The following DLGAP2 variants were observed in gnomAD, a reference collection of about 807,000 sequenced individuals.
DLGAP2 encodes DLG associated protein 2, also known as disks large-associated protein 2.
DLGAP2 carries 26 observed loss-of-function variants against 100.3 expected under a neutral mutation model. That is an observed-to-expected ratio of 0.26 (90% CI 0.19 to 0.36). The LOEUF (loss-of-function observed/expected upper bound fraction) is 0.36, where lower values mean the gene tolerates loss of function less well. Among genes scored for constraint, DLGAP2 ranks in the 10% least tolerant of loss-of-function variants. The pLI, the probability that DLGAP2 is intolerant of heterozygous loss-of-function variation, is 1.00. For synonymous variants in DLGAP2, 886 were observed against 630.1 expected, an observed-to-expected ratio of 1.41 and a Z score of -6.08; for missense variants, 1,858 against 1,453.2, an observed-to-expected ratio of 1.28 and a Z score of -4.53.
Position 1,522,386 on chromosome 8 carries a change from C to T in DLGAP2, c.172+20955C>T, listed in dbSNP as rs543214376. On this transcript the variant is annotated intron_variant, in intron 4 of 14. Transcript: ENST00000637795. ...GGGAAGCTGGCAGGTGTGCAGCAGC[C>T]GGGGCCCAGGGCATCACACCCACAG... Among the ~76,000 whole-genome samples the T allele has an allele frequency of 3.3e-5, 5 of 152,260 alleles. No individual in the cohort carries two copies. The East Asian group carries it at 9.6e-4, about 29-fold the overall frequency.
intron 4 of DLGAP2, among the ~76,000 whole-genome samples, chr8:1,526,671 G>C (rs571966797): frequency 6.6e-6 from 1 of 152,198 alleles, no homozygotes; most frequent in African/African-American, 2.4e-5. Flanking sequence ...TTATTGGGTT[G>C]ACTTTAAGTC....
At position 1,521,854 on chromosome 8, in the gene DLGAP2, T is replaced by C. The variant is rs553803687; in HGVS notation, c.172+20423T>C. On this transcript the variant is annotated intron_variant, in intron 4 of 14. Transcript: ENST00000637795. ...ATTTGGAATACTCGGGGGCAGGTGA[T>C]TTGGGGCGTCTCTGGTTTGCACACT... Among the ~76,000 whole-genome samples, 20 of 147,616 alleles carry C rather than the reference T, an allele frequency of 1.4e-4. No homozygotes were observed. The South Asian group carries it at 4.5e-3, about 33-fold the overall frequency.
At chr8:1,052,550 G>A (rs529340091) in intron 2 of DLGAP2, among the ~76,000 whole-genome samples, 6 of 152,248 alleles carry the variant, frequency 3.9e-5, no homozygotes, top group African/African-American at 7.2e-5. Flanking sequence ...ATCCTTTGAC[G>A]GGGACTCACA....
intron 2 of DLGAP2, among the ~76,000 whole-genome samples, chr8:973,732 T>C (rs532300447): frequency 3.1e-4 from 47 of 152,284 alleles, no homozygotes; most frequent in Admixed American, 9.1e-4. Flanking sequence ...TATCGGATAG[T>C]GTTGGAGATC....
intron 2 of DLGAP2, among the ~76,000 whole-genome samples, chr8:928,078 G>C (rs182016839): frequency 3.7e-4 from 56 of 152,322 alleles, no homozygotes; most frequent in African/African-American, 1.3e-3. Context: ...AGGGTCTCAT[G>C]GTCTTTGTGG....
chr8:1,641,015 C>T (rs1216833899), intron 8 of DLGAP2, among the ~76,000 whole-genome samples: 2 of 152,102 alleles, frequency 1.3e-5, no homozygotes, highest in African/African-American at 4.8e-5. Context: ...GGAGGGAGAC[C>T]CAAGCTCTCC....
At chr8:1,439,589 T>G (rs1797767630) in intron 3 of DLGAP2, among the ~76,000 whole-genome samples, 1 of 152,102 alleles carries the variant, frequency 6.6e-6, no homozygotes, top group Non-Finnish European at 1.5e-5. Flanking sequence ...TCCAGTCACT[T>G]TCCTTCCTTT....
At position 1,305,434 on chromosome 8, in the gene DLGAP2, A is replaced by G. The variant is rs541876778; in HGVS notation, c.106+46551A>G. 3.9e-5 allele frequency among the ~76,000 whole-genome samples: 6 copies of G among 152,300 alleles called. No individual in the cohort carries two copies. The South Asian group carries it at 1.2e-3, about 32-fold the overall frequency. On this transcript the variant is annotated intron_variant, in intron 3 of 14. Transcript: ENST00000637795. ...GAAATTAGTCCTTACAGTTTTCATG[A>G]GATGTAAACTGCTTATAGTCATCCC...
chr8:1,672,796 C>T (rs993718803), intron 10 of DLGAP2, among the ~76,000 whole-genome samples: 24 of 152,198 alleles, frequency 1.6e-4, no homozygotes, highest in African/African-American at 5.1e-4. Context: ...AGGCAGAGCA[C>T]GTCTCAGAGG....
intron 3 of DLGAP2, among the ~76,000 whole-genome samples, chr8:1,344,331 C>G (rs1176353087): frequency 2.0e-5 from 3 of 152,212 alleles, no homozygotes; most frequent in Non-Finnish European, 4.4e-5. Context: ...AGGGTGCCAC[C>G]TGCATTGCCC....
intron 4 of DLGAP2, among the ~76,000 whole-genome samples, chr8:1,526,774 C>T (rs186779594): frequency 2.0e-5 from 3 of 152,318 alleles, no homozygotes; most frequent in Admixed American, 2.0e-4. Context: ...CTACGTCTAT[C>T]CCTGTTATTG....
intron 8 of DLGAP2, among the ~76,000 whole-genome samples, chr8:1,663,056 CAT>C (rs1798451577): frequency 9.1e-6 from 1 of 109,704 alleles, no homozygotes; most frequent in Non-Finnish European, 1.7e-5. Flanking sequence ...TGTGTGTACA[CAT>C]AGTGTGGGGT....
intron 8 of DLGAP2, among the ~76,000 whole-genome samples, chr8:1,640,521 CA>C (rs1194763605): frequency 6.6e-6 from 1 of 152,200 alleles, no homozygotes; most frequent in African/African-American, 2.4e-5. Flanking sequence ...CTCTGATTGT[CA>C]TGATCCCCAT....
intron 3 of DLGAP2, among the ~76,000 whole-genome samples, chr8:1,423,547 G>C (rs529106578): frequency 6.6e-6 from 1 of 152,264 alleles, no homozygotes; most frequent in Non-Finnish European, 1.5e-5. Context: ...TACTCCTGAA[G>C]TGTTGACTGT....
intron 2 of DLGAP2, among the ~76,000 whole-genome samples, chr8:957,900 G>T (rs1799631889): frequency 6.6e-6 from 1 of 152,060 alleles, no homozygotes; most frequent in Non-Finnish European, 1.5e-5. Context: ...AAAAACATAG[G>T]ATTTCCCTCA....
chr8:1,530,043 G>A (rs1202948042), intron 4 of DLGAP2, among the ~76,000 whole-genome samples: 1 of 152,228 alleles, frequency 6.6e-6, no homozygotes, highest in Non-Finnish European at 1.5e-5. Context: ...AATTAAAATT[G>A]CTAATGAAGT....
At chr8:1,284,272 G>C (rs1799878442) in intron 3 of DLGAP2, among the ~76,000 whole-genome samples, 2 of 152,184 alleles carry the variant, frequency 1.3e-5, no homozygotes, top group Non-Finnish European at 2.9e-5. Flanking sequence ...ATATGCTTTT[G>C]AGTAGAGCCT....
intron 3 of DLGAP2, among the ~76,000 whole-genome samples, chr8:1,491,451 A>G (rs1300011964): frequency 6.7e-6 from 1 of 149,912 alleles, no homozygotes; most frequent in Non-Finnish European, 1.5e-5. Flanking sequence ...GAAAGTGAGC[A>G]CGAGGAGCAA....
At chr8:1,566,004 G>C (rs2301964) in intron 6 of DLGAP2, 110 bp downstream of exon 6, 393,485 of 874,046 alleles carry the variant, frequency 0.45, 91,791 homozygotes, top group Admixed American at 0.58. Context: ...AAACTAAATT[G>C]CCAAGCTGAA....
Sources: gnomAD v4.1 joint callset for allele counts (sites outside exome capture counted in the v4.1 genomes callset) on GRCh38, gnomAD v4.1.1 for gene constraint, MANE v1.5 for transcripts, NCBI Gene and HGNC (gene_info 2026-07-23, HGNC 2026-07-21) for gene names.